Variants in RTEL1 observed in about 807,000 individuals in gnomAD.
RTEL1 encodes the protein regulator of telomere elongation helicase 1.
RTEL1 carries 86 observed loss-of-function variants against 162.2 expected under a neutral mutation model. The ratio of observed to expected loss-of-function variants is 0.53; its 90% CI spans 0.45 to 0.63. The LOEUF (loss-of-function observed/expected upper bound fraction) is 0.63, where lower values mean the gene tolerates loss of function less well. Among genes scored for constraint, RTEL1 ranks in the 30% least tolerant of loss-of-function variants. The pLI is 0.00. For missense variants in RTEL1, 1,941 were observed against 1,750.2 expected, an observed-to-expected ratio of 1.11 and a Z score of -1.95; for synonymous variants, 958 against 717.9, an observed-to-expected ratio of 1.33 and a Z score of -5.35.
At chr20:63,673,889 A>G (rs1460568208) in intron 9 of RTEL1, 51 bp from the exon 10 acceptor site, 2 of 1,531,040 alleles carry the variant, frequency 1.3e-6, no homozygotes, top group Non-Finnish European at 1.8e-6. Context: ...GCTTTCTGGA[A>G]CCCCCGATCC....
chr20:63,660,026 C>G (rs1384961417), intron 2 of RTEL1, among the ~76,000 whole-genome samples: 1 of 151,998 alleles, frequency 6.6e-6, no homozygotes, highest in African/African-American at 2.4e-5. Context: ...TAGTTTTATG[C>G]TTTTCTCCAC....
At chr20:63,662,018 C>T in intron 4 of RTEL1, 75 bp downstream of exon 4, 2 of 1,118,066 alleles carry the variant, frequency 1.8e-6, no homozygotes, top group East Asian at 2.4e-5. Flanking sequence ...GTCCACAGCC[C>T]CATGCTGTGC....
rs773159241 is a variant in RTEL1, at chr20:63,689,575, G to A, written c.1952G>A (p.Arg651His). ...VIVTGLPYPP[R>H]MDPRVVLKMQ... is the part of the protein sequence containing the mutation. ...GTCACGGGCCTCCCGTACCCCCCAC[G>A]CATGGACCCCCGGGTTGTCCTCAAG... Residue 651 changes from arginine (R) to histidine (H), a missense_variant, in exon 23 of 35, where the codon CGC (arginine) becomes CAC (histidine). By Grantham distance (29) the Arg-to-His change is conservative. Coordinates refer to ENST00000360203, the MANE Select transcript of RTEL1 (RefSeq NM_001283009.2). 3.7e-6 allele frequency: 6 copies of A among 1,612,260 alleles called. No individual in the cohort carries two copies. The highest frequency in any genetic ancestry group is 5.1e-6 in the Non-Finnish European group (6 of 1,179,746).
At chr20:63,686,871 TC>T (rs747525697) in intron 16 of RTEL1, 195 of 166,518 alleles carry the variant, frequency 1.2e-3, no homozygotes, top group Middle Eastern at 2.8e-3. Context: ...ATCTGTTTGT[TC>T]CATTGACCTC....
chr20:63,663,221 C>T (rs558235949), intron 6 of RTEL1, among the ~76,000 whole-genome samples: 2 of 152,370 alleles, frequency 1.3e-5, no homozygotes, highest in South Asian at 2.1e-4. Context: ...TGAACACCGG[C>T]TTTCTCTTCG....
At chr20:63,684,695 A>G (rs1183247361) in intron 14 of RTEL1, among the ~76,000 whole-genome samples, 2 of 150,580 alleles carry the variant, frequency 1.3e-5, no homozygotes, top group Non-Finnish European at 3.0e-5. Context: ...CTGGTCTCGA[A>G]CTCCTGACCT....
At chr20:63,658,096 A>C (rs1431201580), upstream of RTEL1, 1 of 152,366 alleles carries the variant, frequency 6.6e-6, no homozygotes, top group Non-Finnish European at 1.5e-5. Context: ...AGTGGAACGC[A>C]GACCCTGGTG....
Position 63,689,553 on chromosome 20 carries a change from A to T in RTEL1, c.1930A>T (p.Thr644Ser). ...CACGAATGGCCGTGGTGTGATTGTC[A>T]CGGGCCTCCCGTACCCCCCACGCAT... ...SDTNGRGVIV[T>S]GLPYPPRMDP... is the part of the protein sequence containing the mutation. The change falls in exon 23 of 35, where the codon ACG (threonine) becomes TCG (serine). Residue 644 changes from threonine (T) to serine (S), a missense_variant. Coordinates refer to ENST00000360203, the MANE Select transcript of RTEL1 (RefSeq NM_001283009.2). The T allele has an allele frequency of 6.2e-7, 1 of 1,611,432 alleles. No homozygotes were observed. Among genetic ancestry groups the T allele is most frequent in the Non-Finnish European group, 8.5e-7 (1 of 1,179,526 alleles).
chr20:63,665,469 C>T (rs1399055852), intron 6 of RTEL1, among the ~76,000 whole-genome samples: 1 of 152,214 alleles, frequency 6.6e-6, no homozygotes, highest in Admixed American at 6.5e-5. Flanking sequence ...TGTCCTTTGC[C>T]AGGGCTGCCA....
chr20:63,691,367 A>G (rs1219565488), intron 27 of RTEL1, among the ~76,000 whole-genome samples: 3 of 152,050 alleles, frequency 2.0e-5, no homozygotes, highest in African/African-American at 7.2e-5. Flanking sequence ...GGCCAACCCG[A>G]AATTTTCTCC....
rs529002779 is a variant in RTEL1 at position 63,696,241 on chromosome 20, GC to G, written c.*386del. 9.1e-4 allele frequency: 278 copies of G among 306,834 alleles called. 1 individual carries two copies. The highest frequency in any genetic ancestry group is 5.7e-3 in the African/African-American group (263 of 46,344). The allele number at this position is 306,834 out of a possible 1,614,324, so 19.0% of individuals were successfully genotyped here. On this transcript the variant is annotated 3_prime_UTR_variant, in exon 35 of 35. Transcript: ENST00000360203. The stretch of plus-strand genomic sequence containing the variant: ...GCTCTCTAATAAAGCTGCTGGCAGT[GC>G]CCAGGACGGTGTCTTCGTGGCCTGG...
In RTEL1 at chr20:63,695,550, G is replaced by A. The variant is rs1305863914; in HGVS notation, c.3722G>A (p.Gly1241Asp). Reference protein sequence around the residue: ...TGAPGGPLSAGCVCQGCGAED... With the variant: ...TGAPGGPLSADCVCQGCGAED... ...GCTCCGGGCGGGCCCCTCTCAGCAG[G>A]CTGTGTGTGCCAGGGCTGTGGGGCA... The change falls in exon 34 of 35, where the codon GGC (glycine) becomes GAC (aspartate). Residue 1241 changes from glycine to aspartate, a missense_variant. Physicochemically the swap from Gly to Asp is moderately conservative, Grantham distance 94. Coordinates refer to ENST00000360203, the MANE Select transcript of RTEL1 (RefSeq NM_001283009.2). The A allele has an allele frequency of 6.2e-7, 1 of 1,612,404 alleles. No homozygotes were observed. The highest frequency in any genetic ancestry group is 1.1e-5 in the South Asian group (1 of 91,080).
intron 33 of RTEL1, 42 bp from the exon 34 acceptor site, chr20:63,695,286 C>T (rs762268520): frequency 2.5e-6 from 4 of 1,591,920 alleles, no homozygotes; most frequent in Non-Finnish European, 3.4e-6. Flanking sequence ...GAGTGAGCAG[C>T]AAAGCCCCAG....
chr20:63,687,887 A>C (rs1206082591), intron 17 of RTEL1, 50 bp from the exon 18 acceptor site: 2 of 1,603,080 alleles, frequency 1.2e-6, no homozygotes, highest in Non-Finnish European at 1.7e-6. Context: ...CGAGGGCTAA[A>C]GGGGTGCTGG....
At chr20:63,662,745 G>A (rs996521735) in intron 5 of RTEL1, 84 bp from the exon 6 acceptor site, 20 of 1,595,836 alleles carry the variant, frequency 1.3e-5, no homozygotes, top group Non-Finnish European at 1.7e-5. Flanking sequence ...GGGGACTGCA[G>A]GGGAGGACCT....
intron 6 of RTEL1, 143 bp from the exon 7 acceptor site, chr20:63,665,861 G>A: frequency 1.5e-6 from 1 of 661,782 alleles, no homozygotes; most frequent in East Asian, 2.8e-5. Flanking sequence ...CCCTCAGTGG[G>A]TGCTTTGTGG....
At position 63,677,106 on chromosome 20, in the gene RTEL1, G is replaced by C. The variant is rs565088595; in HGVS notation, c.920-1039G>C. 2.9e-4 allele frequency among the ~76,000 whole-genome samples: 44 copies of C among 152,088 alleles called. 1 individual carries two copies. The South Asian group carries it at 8.9e-3, about 31-fold the overall frequency. ...CCCCGGCGGTTGTGGCCTCTTTGCT[G>C]TCTGGGAGTCAGGATTTTTCACACT... On this transcript the variant is annotated intron_variant, in intron 10 of 34. Transcript: ENST00000360203.
chr20:63,675,227 C>T (rs2090325710), intron 10 of RTEL1, among the ~76,000 whole-genome samples: 1 of 152,190 alleles, frequency 6.6e-6, no homozygotes, highest in Non-Finnish European at 1.5e-5. Context: ...TTCTACATGG[C>T]TTCTGTAAAC....
rs141618172 is a variant in RTEL1, at chr20:63,693,231, T to G, written c.2940T>G (p.Pro980=). The G allele has an allele frequency of 6.2e-7, 1 of 1,612,072 alleles. No homozygotes were observed. Among genetic ancestry groups the G allele is most frequent in the Non-Finnish European group, 8.5e-7 (1 of 1,179,482 alleles). Residue 980 remains proline (P), a synonymous_variant, in exon 30 of 35, where the codon CCT becomes CCG. Coordinates refer to ENST00000360203, the MANE Select transcript of RTEL1 (RefSeq NM_001283009.2). ...CAGGACGAGGCTGTGGCTATCGGCCTGAGCACAGCATTCCCCGAAGGCAGC... is the reference window on the plus strand; with the variant it reads ...CAGGACGAGGCTGTGGCTATCGGCCGGAGCACAGCATTCCCCGAAGGCAGC... ...QLTGRGCGYR[P]EHSIPRRQRA...
Sources: gnomAD v4.1 joint callset for allele counts (sites outside exome capture counted in the v4.1 genomes callset) on GRCh38, gnomAD v4.1.1 for gene constraint, MANE v1.5 for transcripts, NCBI Gene and HGNC (gene_info 2026-07-23, HGNC 2026-07-21) for gene names.